Variants in KIN observed in about 807,000 individuals in gnomAD.
KIN encodes the protein DNA/RNA-binding protein KIN17.
KIN carries 47 observed loss-of-function variants against 63.0 expected under a neutral mutation model. That is an observed-to-expected ratio of 0.75 (90% CI 0.59 to 0.95). The LOEUF (loss-of-function observed/expected upper bound fraction) is 0.95. KIN is among the 40% of genes least tolerant of loss of function. The pLI, the probability that KIN is intolerant of heterozygous loss-of-function variation, is 0.00. For synonymous variants in KIN, 160 were observed against 157.7 expected (o/e 1.01, Z -0.11); for missense variants, 408 against 460.9 (o/e 0.89, Z 1.05).
In KIN at chr10:7,783,135, C is replaced by G; in HGVS notation, c.155G>C (p.Arg52Thr). ...ATTTTCTGAAGCCAGCAATAGTTGT[C>G]TCTGATGAGATTCGGACATACAATG... ...KCHCMSESHQ[R>T]QLLLASENPQ... Residue 52 changes from arginine to threonine, a missense_variant, in exon 2 of 13, where the codon AGA becomes ACA. Around this residue, in one of 2 missense-constraint regions of KIN, gnomAD observed 110 missense variants for 164.9 expected, o/e 0.67. Coordinates refer to ENST00000379562, the MANE Select transcript of KIN (RefSeq NM_012311.4). 6.2e-7 allele frequency: 1 copy of G among 1,601,252 alleles called. No individual in the cohort carries two copies. The highest frequency in any genetic ancestry group is 8.5e-7 in the Non-Finnish European group (1 of 1,174,060).
intron 6 of KIN, 50 bp from the exon 7 acceptor site, chr10:7,774,941 T>C (rs1345225455): frequency 7.4e-6 from 10 of 1,345,182 alleles, no homozygotes; most frequent in Non-Finnish European, 1.1e-5. Flanking sequence ...AAAATCATAA[T>C]AAAACTTCTC....
At chr10:7,756,218 G>T in intron 12 of KIN, 76 bp from the exon 13 acceptor site, 1 of 816,550 alleles carries the variant, frequency 1.2e-6, no homozygotes, top group Non-Finnish European at 1.9e-6. Flanking sequence ...CCATACTTAT[G>T]GATACAAATT....
At chr10:7,767,481 A>G (rs1252420147) in intron 8 of KIN, among the ~76,000 whole-genome samples, 1 of 152,206 alleles carries the variant, frequency 6.6e-6, no homozygotes, top group African/African-American at 2.4e-5. Flanking sequence ...ACAGTGACTC[A>G]GTTTCATAGT....
chr10:7,780,382 G>A (rs1409778942), intron 2 of KIN, 75 bp from the exon 3 acceptor site: 1 of 1,281,042 alleles, frequency 7.8e-7, no homozygotes, highest in Non-Finnish European at 1.1e-6. Context: ...AATTTAAGCA[G>A]TAGTACAGTT....
rs1835317751 is a variant in KIN, at chr10:7,755,579, A to G, written c.*501T>C. 1 of 152,250 alleles carries G rather than the reference A, an allele frequency of 6.6e-6. No homozygotes were observed. Among genetic ancestry groups the G allele is most frequent in the Admixed American group, 6.5e-5 (1 of 15,284 alleles). The allele number at this position is 152,250 out of a possible 1,614,324, so 9.4% of individuals were successfully genotyped here. A position where few individuals can be genotyped will look rare whatever the true frequency, so the allele number is the denominator to read the frequency against. On this transcript the variant is annotated 3_prime_UTR_variant, in exon 13 of 13. Coordinates refer to ENST00000379562, the MANE Select transcript of KIN (RefSeq NM_012311.4). ...AATCAGACAGTGGTGATGGCTGCAC[A>G]ATTCTGCAAAAATACTAAAAACCAC...
Position 7,759,949 on chromosome 10 carries a change from C to A in KIN, c.1060G>T (p.Glu354Ter). Residue 354 changes from glutamate to a stop codon, truncating the protein, a stop_gained, in exon 12 of 13, where the codon GAA becomes TAA. Transcript: ENST00000379562. LOFTEE classifies it high-confidence loss of function. ...LVLNGGYRGN[E>*]GTLESINEKT... ...TCATTGATGGATTCTAGGGTACCTT[C>A]ATTTCCTCTGTAGCCTCCATTTAAA... 2 of 1,562,874 alleles carry A rather than the reference C, an allele frequency of 1.3e-6. No individual in the cohort carries two copies. The highest frequency in any genetic ancestry group is 1.7e-6 in the Non-Finnish European group (2 of 1,152,818).
intron 9 of KIN, among the ~76,000 whole-genome samples, chr10:7,764,815 C>T (rs757342127): frequency 3.3e-5 from 5 of 152,114 alleles, no homozygotes; most frequent in Non-Finnish European, 7.4e-5. Context: ...TACTTATTGG[C>T]CCTTATCCAC....
chr10:7,757,195 T>C (rs1201485588), intron 12 of KIN, among the ~76,000 whole-genome samples: 1 of 152,192 alleles, frequency 6.6e-6, no homozygotes, highest in Non-Finnish European at 1.5e-5. Flanking sequence ...TTATTTAATC[T>C]TTTGTTTAAA....
chr10:7,780,407 T>G, intron 2 of KIN, 100 bp from the exon 3 acceptor site: 1 of 1,015,496 alleles, frequency 9.8e-7, no homozygotes, highest in Non-Finnish European at 1.4e-6. Context: ...GTTTTTGTTT[T>G]TTTTGAGACA....
At chr10:7,783,301 A>G (rs1218837561) in intron 1 of KIN, 126 bp from the exon 2 acceptor site, 1 of 452,484 alleles carries the variant, frequency 2.2e-6, no homozygotes, top group East Asian at 3.5e-5. Flanking sequence ...TCAAATCATT[A>G]GCTGTAACTA....
chr10:7,761,494 G>C (rs1404393571), intron 11 of KIN: 2 of 152,062 alleles, frequency 1.3e-5, no homozygotes, highest in African/African-American at 4.8e-5. Context: ...CTTGACTATC[G>C]CAGAGAGCTA....
intron 6 of KIN, 91 bp downstream of exon 6, chr10:7,775,660 A>G: frequency 1.6e-6 from 1 of 632,876 alleles, no homozygotes; most frequent in Non-Finnish European, 2.7e-6. Flanking sequence ...TCGATGTCTT[A>G]TTCTCAGATA....
rs2130975821 is a variant in KIN, at chr10:7,753,052, TA to T, written c.*3027del. 1 of 152,306 alleles carries T rather than the reference TA, an allele frequency of 6.6e-6. No homozygotes were observed. Among genetic ancestry groups the T allele is most frequent in the African/African-American group, 2.4e-5 (1 of 41,572 alleles). 9.4% of individuals were successfully genotyped at this position (152,306 alleles called of 1,614,324 possible). On this transcript the variant is annotated 3_prime_UTR_variant, in exon 13 of 13. Coordinates refer to ENST00000379562, the MANE Select transcript of KIN (RefSeq NM_012311.4). ...AGAGACTGCTCTAAAAAGTAAAGTC[TA>T]TGTTTGAAATAAAGAAAAATAGCTT...
chr10:7,779,406 A>AAAAAC (rs1366716794), intron 4 of KIN, among the ~76,000 whole-genome samples: 3 of 152,228 alleles, frequency 2.0e-5, no homozygotes, highest in South Asian at 2.1e-4. Context: ...ACTCAGTCTC[A>AAAAAC]AAAACAAAAC....
intron 8 of KIN, among the ~76,000 whole-genome samples, chr10:7,768,808 G>A (rs1012181681): frequency 3.3e-5 from 5 of 152,110 alleles, no homozygotes; most frequent in African/African-American, 9.7e-5. Flanking sequence ...CTTGAGGTCA[G>A]GAGTTTGAGA....
Position 7,775,757 on chromosome 10 carries a change from C to A in KIN, c.601G>T (p.Glu201Ter). ...AAATAAAAAATAAAACTACCTTTCT[C>A]TTCATCATTTTCTCTGCTTAATTCC... ...FTELSRENDE[E>*]KVTFNLSKGA... is the part of the protein sequence containing the mutation. The change falls in exon 6 of 13, where the codon GAG becomes TAG. Residue 201 changes from glutamate to a stop codon, truncating the protein, a stop_gained. Transcript: ENST00000379562. LOFTEE classifies it high-confidence loss of function. The A allele has an allele frequency of 6.5e-7, 1 of 1,526,918 alleles. No individual in the cohort carries two copies. Among genetic ancestry groups the A allele is most frequent in the Non-Finnish European group, 8.9e-7 (1 of 1,125,140 alleles). 94.6% of individuals were successfully genotyped at this position (1,526,918 alleles called of 1,614,324 possible).
rs1357190605 is a variant in KIN at position 7,769,357 on chromosome 10, G to A, written c.669-12C>T. 1.2e-6 allele frequency: 2 copies of A among 1,606,268 alleles called. No homozygotes were observed. Among genetic ancestry groups the A allele is most frequent in the South Asian group, 1.1e-5 (1 of 89,284 alleles). On this transcript the variant is annotated splice_polypyrimidine_tract_variant and intron_variant, in intron 7 of 12. Coordinates refer to ENST00000379562, the MANE Select transcript of KIN (RefSeq NM_012311.4). Reference sequence around the variant, plus strand: ...TCGGTCCCAGAGTACTGATGAACAGGAGAACCATGCTTGTTACCAAGAACC... The same window carrying A: ...TCGGTCCCAGAGTACTGATGAACAGAAGAACCATGCTTGTTACCAAGAACC...
chr10:7,767,953 T>C (rs760539828), intron 8 of KIN, among the ~76,000 whole-genome samples: 5 of 151,866 alleles, frequency 3.3e-5, no homozygotes, highest in Admixed American at 6.6e-5. Context: ...GGAAATAATA[T>C]TAAAGAAAAA....
At chr10:7,783,003 A>G in intron 2 of KIN, 78 bp downstream of exon 2, 1 of 604,138 alleles carries the variant, frequency 1.7e-6, no homozygotes, top group East Asian at 3.2e-5. Flanking sequence ...AGAACTTCCA[A>G]TATTTAAAAT....
Sources: gnomAD v4.1 joint callset for allele counts (sites outside exome capture counted in the v4.1 genomes callset) on GRCh38, gnomAD v4.1.1 for gene constraint, gnomAD v4.1.1 regional missense constraint, MANE v1.5 for transcripts, NCBI Gene and HGNC (gene_info 2026-07-23, HGNC 2026-07-21) for gene names.